Variants in KCNIP4 observed in about 807,000 individuals in gnomAD.
The protein encoded by KCNIP4 is potassium voltage-gated channel interacting protein 4, also known as Kv channel-interacting protein 4.
Under a neutral mutation model 34.0 loss-of-function variants are expected in KCNIP4, and 12 were observed. The observed-to-expected ratio is 0.35, with a 90% CI of 0.23 to 0.57. The LOEUF (loss-of-function observed/expected upper bound fraction) is 0.57, where lower values mean the gene tolerates loss of function less well. Among genes scored for constraint, KCNIP4 ranks in the 20% least tolerant of loss-of-function variants. The pLI, the probability that KCNIP4 is intolerant of heterozygous loss-of-function variation, is 0.83. For missense variants in KCNIP4, 238 were observed against 311.7 expected (o/e 0.76, Z 1.78); for synonymous variants, 124 against 102.2 (o/e 1.21, Z -1.29).
chr4:20,940,351 G>A (rs184533548), intron 1 of KCNIP4, among the ~76,000 whole-genome samples: 69 of 152,200 alleles, frequency 4.5e-4, no homozygotes, highest in Admixed American at 9.8e-4. Flanking sequence ...TGAGTTCTTC[G>A]AGGAAGATGG....
At chr4:21,151,756 G>A (rs930716117) in intron 1 of KCNIP4, among the ~76,000 whole-genome samples, 2 of 152,134 alleles carry the variant, frequency 1.3e-5, no homozygotes, top group Admixed American at 6.5e-5. Context: ...CTTCCTTGCT[G>A]TGAATGAACT....
At chr4:21,533,882 T>C (rs1337208944) in intron 1 of KCNIP4, among the ~76,000 whole-genome samples, 1 of 152,134 alleles carries the variant, frequency 6.6e-6, no homozygotes, top group Non-Finnish European at 1.5e-5. Context: ...TGGAAAGCCA[T>C]AGAAGCAGAC....
At chr4:21,861,762 C>T (rs144332402) in intron 1 of KCNIP4, among the ~76,000 whole-genome samples, 1,736 of 152,134 alleles carry the variant, frequency 0.011, 37 homozygotes, top group African/African-American at 0.039. Context: ...CAGTGGCCAC[C>T]GACCATTGTT....
intron 1 of KCNIP4, among the ~76,000 whole-genome samples, chr4:21,187,299 A>C (rs892482831): frequency 3.3e-5 from 5 of 152,300 alleles, no homozygotes; most frequent in Admixed American, 3.3e-4. Flanking sequence ...ATGGAATTCA[A>C]AGGAAGTTAA....
At chr4:21,088,927 C>A (rs1746721804) in intron 1 of KCNIP4, among the ~76,000 whole-genome samples, 1 of 151,990 alleles carries the variant, frequency 6.6e-6, no homozygotes. Flanking sequence ...TATACAATAC[C>A]CCAATCAGTG....
chr4:20,797,791 C>T (rs529499563), intron 3 of KCNIP4, among the ~76,000 whole-genome samples: 1 of 152,156 alleles, frequency 6.6e-6, no homozygotes, highest in South Asian at 2.1e-4. Context: ...AGTAATATAG[C>T]CACAGTCAAC....
intron 1 of KCNIP4, among the ~76,000 whole-genome samples, chr4:21,434,989 G>C (rs913692058): frequency 6.6e-6 from 1 of 152,114 alleles, no homozygotes; most frequent in Non-Finnish European, 1.5e-5. Context: ...TAGATGAAAA[G>C]TGTCTTGTAA....
At chr4:21,340,306 T>C (rs1300978984) in intron 1 of KCNIP4, among the ~76,000 whole-genome samples, 1 of 152,160 alleles carries the variant, frequency 6.6e-6, no homozygotes, top group Non-Finnish European at 1.5e-5. Flanking sequence ...TCCTACTCAA[T>C]GAAAAACAGT....
chr4:21,896,205 A>C (rs544140267), intron 1 of KCNIP4, among the ~76,000 whole-genome samples: 87 of 152,340 alleles, frequency 5.7e-4, no homozygotes, highest in African/African-American at 2.0e-3. Context: ...AGTTCAGATA[A>C]AAATTATGCA....
intron 1 of KCNIP4, among the ~76,000 whole-genome samples, chr4:21,436,099 A>G (rs1281425881): frequency 1.3e-5 from 2 of 152,144 alleles, no homozygotes; most frequent in Non-Finnish European, 2.9e-5. Flanking sequence ...TAAAGTGTTC[A>G]CTCTCTGGCT....
chr4:20,998,365 T>A (rs1737761307), intron 1 of KCNIP4, among the ~76,000 whole-genome samples: 1 of 152,156 alleles, frequency 6.6e-6, no homozygotes, highest in African/African-American at 2.4e-5. Context: ...ACAGGGGCCA[T>A]TTCTATGTGT....
At chr4:21,563,477 C>T (rs894745992) in intron 1 of KCNIP4, among the ~76,000 whole-genome samples, 6 of 151,988 alleles carry the variant, frequency 3.9e-5, no homozygotes, top group Non-Finnish European at 7.4e-5. Context: ...ACATATCTTT[C>T]CACAATTTAT....
At chr4:20,926,068 T>C (rs936160541) in intron 1 of KCNIP4, among the ~76,000 whole-genome samples, 1 of 152,218 alleles carries the variant, frequency 6.6e-6, no homozygotes, top group South Asian at 2.1e-4. Flanking sequence ...AATTATATTT[T>C]TTATACAAAC....
At chr4:21,113,474 A>G (rs1315954989) in intron 1 of KCNIP4, among the ~76,000 whole-genome samples, 32 of 149,664 alleles carry the variant, frequency 2.1e-4, no homozygotes, top group African/African-American at 5.5e-4. Context: ...AAAAAAAAAA[A>G]AAAAAAGGAA....
chr4:21,729,310 A>C (rs894620689), intron 1 of KCNIP4, among the ~76,000 whole-genome samples: 2 of 152,212 alleles, frequency 1.3e-5, no homozygotes, highest in Non-Finnish European at 2.9e-5. Flanking sequence ...TTTTGCATTC[A>C]GTTTACCAGG....
intron 1 of KCNIP4, among the ~76,000 whole-genome samples, chr4:21,627,167 T>C (rs575747408): frequency 6.7e-6 from 1 of 150,156 alleles, no homozygotes; most frequent in Non-Finnish European, 1.5e-5. Flanking sequence ...CTCCACCTTG[T>C]TGAATAAACT....
chr4:21,922,225 A>G (rs1260136538), intron 1 of KCNIP4, among the ~76,000 whole-genome samples: 2 of 152,158 alleles, frequency 1.3e-5, no homozygotes, highest in Non-Finnish European at 2.9e-5. Flanking sequence ...ATAAACCTCA[A>G]CAAGCCACCC....
At chr4:21,516,477 T>A (rs1734768880) in intron 1 of KCNIP4, among the ~76,000 whole-genome samples, 1 of 152,182 alleles carries the variant, frequency 6.6e-6, no homozygotes, top group South Asian at 2.1e-4. Flanking sequence ...GATTGGTGGA[T>A]GTTCTTTTTC....
chr4:21,117,741 C>T (rs185476749), intron 1 of KCNIP4, among the ~76,000 whole-genome samples: 48 of 152,176 alleles, frequency 3.2e-4, no homozygotes, highest in African/African-American at 1.1e-3. Flanking sequence ...GTTTTATGTC[C>T]TCCAATTCCC....
Sources: gnomAD v4.1 joint callset for allele counts (sites outside exome capture counted in the v4.1 genomes callset) on GRCh38, gnomAD v4.1.1 for gene constraint, MANE v1.5 for transcripts, NCBI Gene and HGNC (gene_info 2026-07-23, HGNC 2026-07-21) for gene names.